The following RPS6KC1 variants were observed in gnomAD, a reference collection of about 807,000 sequenced individuals.
RPS6KC1 encodes the protein ribosomal protein S6 kinase C1.
In RPS6KC1, 54 loss-of-function variants were observed where a neutral mutation model predicts 103.8. The observed-to-expected ratio is 0.52, with a 90% confidence interval of 0.42 to 0.65. The LOEUF is 0.65. RPS6KC1 is among the 30% of genes least tolerant of loss of function. RPS6KC1 has a pLI of 0.00. For synonymous variants in RPS6KC1, 439 were observed against 438.7 expected (o/e 1.00, Z -0.01); for missense variants, 1,151 against 1,253.8 (o/e 0.92, Z 1.24).
the RPS6KC1 span, among the ~76,000 whole-genome samples, chr1:213,459,435 G>A: frequency 6.6e-6 from 1 of 152,010 alleles, no homozygotes; most frequent in Non-Finnish European, 1.5e-5. Flanking sequence ...TGGGATCAGC[G>A]ATGATAACCC....
the RPS6KC1 span, among the ~76,000 whole-genome samples, chr1:213,339,311 A>T: frequency 6.6e-6 from 1 of 152,168 alleles, no homozygotes; most frequent in Non-Finnish European, 1.5e-5. Context: ...ATGAAAAAGA[A>T]GATGAGAGAC....
chr1:213,148,386 AG>A (rs557059046), intron 6 of RPS6KC1, among the ~76,000 whole-genome samples: 92 of 152,166 alleles, frequency 6.0e-4, no homozygotes, highest in Non-Finnish European at 1.1e-3. Flanking sequence ...TTTATCATGA[AG>A]GGACATTGAA....
At chr1:213,299,930 G>A in the RPS6KC1 span, among the ~76,000 whole-genome samples, 6,499 of 152,020 alleles carry the variant, frequency 0.043, 421 homozygotes, top group African/African-American at 0.14. Context: ...TCAGCCTCCC[G>A]AGTAGCTGAG....
the RPS6KC1 span, among the ~76,000 whole-genome samples, chr1:213,627,847 G>A: frequency 4.6e-5 from 7 of 152,130 alleles, no homozygotes; most frequent in Admixed American, 2.0e-4. Flanking sequence ...GAGGATTTTG[G>A]AATCGATGTT....
At chr1:213,441,638 C>T in the RPS6KC1 span, among the ~76,000 whole-genome samples, 2,880 of 152,246 alleles carry the variant, frequency 0.019, 90 homozygotes, top group African/African-American at 0.065. Flanking sequence ...CATAGTGCTG[C>T]GACAGACCTT....
the RPS6KC1 span, among the ~76,000 whole-genome samples, chr1:213,799,823 T>C: frequency 3.0e-4 from 45 of 152,328 alleles, no homozygotes; most frequent in South Asian, 9.1e-3. Flanking sequence ...AGTAGGCAGG[T>C]ATCTTAGTCA....
rs145490442 is a variant in RPS6KC1 at position 213,177,832 on chromosome 1, T to C, written c.1044+1340T>C. 8.5e-4 allele frequency among the ~76,000 whole-genome samples: 130 copies of C among 152,284 alleles called. 1 individual carries two copies. The highest frequency in any genetic ancestry group is 1.5e-3 in the Non-Finnish European group (105 of 68,022). Reference sequence around the variant, plus strand: ...TCTATTTCTTTGACAAAGTATGGCCTTTCATTGCTATGCTATAAGTGTGAG... The same window carrying C: ...TCTATTTCTTTGACAAAGTATGGCCCTTCATTGCTATGCTATAAGTGTGAG... On this transcript the variant is annotated intron_variant, in intron 8 of 14. Transcript: ENST00000366960.
the RPS6KC1 span, among the ~76,000 whole-genome samples, chr1:213,481,992 C>G: frequency 6.6e-6 from 1 of 152,108 alleles, no homozygotes; most frequent in African/African-American, 2.4e-5. Context: ...ATGTGCACCT[C>G]CTTCCCTCTC....
At chr1:213,356,322 G>A in the RPS6KC1 span, among the ~76,000 whole-genome samples, 11 of 152,184 alleles carry the variant, frequency 7.2e-5, no homozygotes, top group Admixed American at 2.0e-4. Context: ...ATTGAAAAGC[G>A]TTTTCAAAGG....
the RPS6KC1 span, among the ~76,000 whole-genome samples, chr1:213,862,462 T>C: frequency 6.6e-6 from 1 of 152,154 alleles, no homozygotes; most frequent in Admixed American, 6.5e-5. Context: ...GAGCACGTGA[T>C]TTATTTCTGG....
At chr1:213,660,114 G>A in the RPS6KC1 span, among the ~76,000 whole-genome samples, 5 of 152,166 alleles carry the variant, frequency 3.3e-5, no homozygotes, top group Admixed American at 6.5e-5. Flanking sequence ...TATTAGCTTT[G>A]GGCATATTAG....
At chr1:213,223,861 T>TG (rs2093896462) in intron 8 of RPS6KC1, among the ~76,000 whole-genome samples, 1 of 152,136 alleles carries the variant, frequency 6.6e-6, no homozygotes. Flanking sequence ...TGTTCTGGAG[T>TG]CCCATGAAGT....
Position 213,051,263 on chromosome 1 carries a change from G to T in RPS6KC1, c.-142G>T. 1.6e-6 allele frequency: 1 copy of T among 627,890 alleles called. No homozygotes were observed. The highest frequency in any genetic ancestry group is 2.8e-6 in the Non-Finnish European group (1 of 355,360). 38.9% of individuals were successfully genotyped at this position (627,890 alleles called of 1,614,324 possible). The stretch of plus-strand genomic sequence containing the variant: ...GCTGACCCGGAAGCAGAGCTGTGCA[G>T]CTGAGGCGCCGCCGTGGAGCCGCCT... On this transcript the variant is annotated 5_prime_UTR_variant, in exon 1 of 15. Transcript: ENST00000366960.
the RPS6KC1 span, among the ~76,000 whole-genome samples, chr1:213,373,717 G>A: frequency 6.6e-6 from 1 of 152,114 alleles, no homozygotes; most frequent in Non-Finnish European, 1.5e-5. Context: ...AGTATTTAGG[G>A]CTCAAAAGCA....
At chr1:213,514,326 C>T in the RPS6KC1 span, among the ~76,000 whole-genome samples, 2 of 151,528 alleles carry the variant, frequency 1.3e-5, no homozygotes, top group Non-Finnish European at 2.9e-5. Context: ...GTGTGCTGCA[C>T]CCATTAACTC....
At chr1:213,310,527 G>T in the RPS6KC1 span, among the ~76,000 whole-genome samples, 1 of 152,052 alleles carries the variant, frequency 6.6e-6, no homozygotes, top group Non-Finnish European at 1.5e-5. Flanking sequence ...CTATTTGAAA[G>T]AGCACCCTAC....
intron 3 of RPS6KC1, among the ~76,000 whole-genome samples, chr1:213,083,374 A>G (rs552355080): frequency 6.6e-6 from 1 of 152,262 alleles, no homozygotes; most frequent in Admixed American, 6.5e-5. Context: ...GGATTTCAGA[A>G]TTACTATGGA....
Position 213,213,314 on chromosome 1 carries a change from T to A in RPS6KC1, c.1045-17183T>A, listed in dbSNP as rs550451522. On this transcript the variant is annotated intron_variant, in intron 8 of 14. Transcript: ENST00000366960. ...TGTCTAGCACCATTTTTGAAAGGGCTCTTTGCTCCATTGTATTCCCTTTGC... is the reference window on the plus strand; with the variant it reads ...TGTCTAGCACCATTTTTGAAAGGGCACTTTGCTCCATTGTATTCCCTTTGC... Among the ~76,000 whole-genome samples the A allele has an allele frequency of 5.9e-5, 9 of 152,380 alleles. No homozygotes were observed. The East Asian group carries it at 1.7e-3, about 29-fold the overall frequency.
chr1:213,104,989 C>T (rs537018671), intron 4 of RPS6KC1, among the ~76,000 whole-genome samples: 7 of 152,006 alleles, frequency 4.6e-5, no homozygotes, highest in Non-Finnish European at 7.4e-5. Flanking sequence ...TCATAAAACT[C>T]TAGTACTTAC....
Sources: allele counts gnomAD v4.1 joint callset (sites outside exome capture counted in the v4.1 genomes callset), GRCh38; gene constraint gnomAD v4.1.1; transcripts MANE v1.5; gene names NCBI Gene and HGNC (gene_info 2026-07-23, HGNC 2026-07-21).